SREK1: variants seen among roughly 807,000 people sequenced by gnomAD.
SREK1 encodes the protein splicing regulatory glutamine/lysine-rich protein 1.
SREK1 carries 13 observed loss-of-function variants against 66.5 expected under a neutral mutation model. The ratio of observed to expected loss-of-function variants is 0.20; its 90% CI spans 0.13 to 0.31. The LOEUF (loss-of-function observed/expected upper bound fraction) is 0.31, where lower values mean the gene tolerates loss of function less well. SREK1 is among the 10% of genes least tolerant of loss of function. The probability of loss-of-function intolerance (pLI) is 1.00; values close to 1 mark genes in which losing one functional copy is unlikely to be tolerated. For synonymous variants in SREK1, 265 were observed against 263.5 expected, an observed-to-expected ratio of 1.01 and a Z score of -0.05; for missense variants, 607 against 769.6, an observed-to-expected ratio of 0.79 and a Z score of 2.50.
rs1561526843 is a variant in SREK1, at chr5:66,182,785, C to G, written c.*3917C>G. 1 of 152,118 alleles carries G rather than the reference C, an allele frequency of 6.6e-6. No individual in the cohort carries two copies. Among genetic ancestry groups the G allele is most frequent in the African/African-American group, 2.4e-5 (1 of 41,408 alleles). The allele number at this position is 152,118 out of a possible 1,614,324, so 9.4% of individuals were successfully genotyped here. A position where few individuals can be genotyped will look rare whatever the true frequency, so the allele number is the denominator to read the frequency against. On this transcript the variant is annotated 3_prime_UTR_variant, in exon 12 of 12. Transcript: ENST00000334121. The stretch of plus-strand genomic sequence containing the variant: ...ATCTTGCCATGTTGCCTAGACTGGT[C>G]TCAAACTCCTGGGCTCAAACAATCT...
chr5:66,171,750 GTTTATT>G (rs1014363382), intron 9 of SREK1, among the ~76,000 whole-genome samples: 2 of 150,446 alleles, frequency 1.3e-5, no homozygotes, highest in Admixed American at 6.6e-5. Flanking sequence ...TGCTTTAGTA[GTTTATT>G]TTTAATACCA....
intron 3 of SREK1, among the ~76,000 whole-genome samples, chr5:66,159,757 CA>C (rs1316166899): frequency 1.3e-5 from 2 of 152,132 alleles, no homozygotes; most frequent in Non-Finnish European, 2.9e-5. Flanking sequence ...GAAAACATGG[CA>C]AAATATTTTT....
chr5:66,175,949 CT>C (rs1746021336), intron 10 of SREK1, among the ~76,000 whole-genome samples: 1 of 151,936 alleles, frequency 6.6e-6, no homozygotes, highest in African/African-American at 2.4e-5. Flanking sequence ...TTTAAAATAA[CT>C]TTCTCTTTTT....
chr5:66,155,492 G>T (rs975721134), intron 2 of SREK1, among the ~76,000 whole-genome samples: 3 of 152,126 alleles, frequency 2.0e-5, no homozygotes, highest in Non-Finnish European at 4.4e-5. Context: ...GTGCATTATT[G>T]TACTAAAAAA....
intron 10 of SREK1, among the ~76,000 whole-genome samples, chr5:66,175,248 C>G (rs765941863): frequency 5.3e-5 from 8 of 152,092 alleles, no homozygotes; most frequent in Non-Finnish European, 8.8e-5. Context: ...GTAATGACTT[C>G]GTGAGGTTTT....
chr5:66,160,307 G>T (rs1744646225), intron 3 of SREK1, among the ~76,000 whole-genome samples: 3 of 152,212 alleles, frequency 2.0e-5, no homozygotes, highest in Admixed American at 2.0e-4. Context: ...ATTGAACTAA[G>T]AAATGAACTA....
chr5:66,178,764 G>T lies in SREK1; in HGVS notation c.1771G>T (p.Val591Leu). Residue 591 changes from valine (V) to leucine (L), a missense_variant, in exon 12 of 12, where the codon GTA (valine) becomes TTA (leucine). Val to Leu is a conservative substitution (Grantham distance 32). Around this residue, in one of 5 missense-constraint regions of SREK1, gnomAD observed 318 missense variants for 310.3 expected, o/e 1.02. Coordinates refer to ENST00000334121, the MANE Select transcript of SREK1 (RefSeq NM_001077199.3). ...ACCAGATTCAAGTGTGAGCAAAGAA[G>T]TAGATGACAAGGATGCACCAAGGAC... ...KEPDSSVSKE[V>L]DDKDAPRTEE... 3 of 1,612,570 alleles carry T rather than the reference G, an allele frequency of 1.9e-6. No individual in the cohort carries two copies. Among genetic ancestry groups the T allele is most frequent in the South Asian group, 1.1e-5 (1 of 90,982 alleles).
intron 7 of SREK1, chr5:66,165,134 G>A (rs895848000): frequency 2.8e-6 from 1 of 356,632 alleles, no homozygotes; most frequent in South Asian, 4.6e-5. Context: ...AGTTAGTTTT[G>A]TGTCTAAAGA....
At chr5:66,144,587 T>A in intron 1 of SREK1, 50 bp downstream of exon 1, 1 of 1,512,690 alleles carries the variant, frequency 6.6e-7, no homozygotes, top group Non-Finnish European at 8.9e-7. Context: ...CATAGAGACC[T>A]CGGGAGCCGA....
At chr5:66,161,065 C>G (rs960883515) in intron 3 of SREK1, among the ~76,000 whole-genome samples, 18 of 151,950 alleles carry the variant, frequency 1.2e-4, no homozygotes, top group Non-Finnish European at 1.0e-4. Context: ...AGTAAGGGCT[C>G]AATATTTTAG....
In SREK1 at chr5:66,177,569, A is replaced by C; in HGVS notation, c.1636A>C (p.Arg546=). The C allele has an allele frequency of 6.2e-7, 1 of 1,605,704 alleles. No individual in the cohort carries two copies. Among genetic ancestry groups the C allele is most frequent in the Non-Finnish European group, 8.5e-7 (1 of 1,174,668 alleles). Residue 546 remains arginine, a synonymous_variant, in exon 11 of 12, where the codon AGA becomes CGA. Transcript: ENST00000334121. The part of the protein sequence containing the change: ...EKERDHISER[R]ERERSTSMRK... Reference sequence around the variant, plus strand: ...AGAAAGGGACCACATCAGTGAAAGAAGAGAGAGAGAACGTTCAACGTCTAT... The same window carrying C: ...AGAAAGGGACCACATCAGTGAAAGACGAGAGAGAGAACGTTCAACGTCTAT...
At chr5:66,144,637 T>A in intron 1 of SREK1, 100 bp downstream of exon 1, 1 of 1,440,266 alleles carries the variant, frequency 6.9e-7, no homozygotes, top group Non-Finnish European at 9.1e-7. Flanking sequence ...GCGGTGCATG[T>A]CACGTGATCG....
chr5:66,147,778 C>T (rs1222210207), intron 1 of SREK1, among the ~76,000 whole-genome samples: 1 of 152,154 alleles, frequency 6.6e-6, no homozygotes, highest in Non-Finnish European at 1.5e-5. Context: ...CCCTGTAGTC[C>T]TTTTCACATG....
At chr5:66,146,317 T>C (rs143212483) in intron 1 of SREK1, among the ~76,000 whole-genome samples, 65 of 152,296 alleles carry the variant, frequency 4.3e-4, no homozygotes, top group African/African-American at 7.0e-4. Context: ...AGAAGAAATA[T>C]ATTGGAGAAT....
chr5:66,171,833 G>C (rs1325213745), intron 9 of SREK1, among the ~76,000 whole-genome samples: 2 of 152,162 alleles, frequency 1.3e-5, no homozygotes, highest in African/African-American at 4.8e-5. Flanking sequence ...TGCCAGACAT[G>C]ATGTCAGTAG....
chr5:66,150,769 A>G (rs946181373), intron 1 of SREK1, among the ~76,000 whole-genome samples: 2 of 152,246 alleles, frequency 1.3e-5, no homozygotes, highest in Non-Finnish European at 2.9e-5. Context: ...TGAGGACAGA[A>G]AGGTCAAGGA....
At chr5:66,170,237 A>T (rs1745517938) in intron 8 of SREK1, 67 bp downstream of exon 8, 1 of 1,505,708 alleles carries the variant, frequency 6.6e-7, no homozygotes, top group African/African-American at 1.4e-5. Context: ...AAGGGATAAT[A>T]TTTTAATTGG....
intron 1 of SREK1, among the ~76,000 whole-genome samples, chr5:66,148,912 CTGTT>C (rs1186835518): frequency 6.6e-6 from 1 of 152,098 alleles, no homozygotes; most frequent in African/African-American, 2.4e-5. Flanking sequence ...GATGAGCTAT[CTGTT>C]TGTTGGCTTG....
At chr5:66,159,508 G>A (rs1362277103) in intron 3 of SREK1, among the ~76,000 whole-genome samples, 174 bp downstream of exon 3, 1 of 150,842 alleles carries the variant, frequency 6.6e-6, no homozygotes, top group Non-Finnish European at 1.5e-5. Context: ...ACTTAACGCT[G>A]CGTTTTGGAT....
Sources: gnomAD v4.1 joint callset for allele counts (sites outside exome capture counted in the v4.1 genomes callset) on GRCh38, gnomAD v4.1.1 for gene constraint, gnomAD v4.1.1 regional missense constraint, MANE v1.5 for transcripts, NCBI Gene and HGNC (gene_info 2026-07-23, HGNC 2026-07-21) for gene names.